Variants in ARHGAP42 observed in about 807,000 individuals in gnomAD.
ARHGAP42 encodes Rho GTPase activating protein 42, also known as rho GTPase-activating protein 42.
A neutral mutation model predicts 125.0 loss-of-function variants in ARHGAP42; 63 were observed. The observed-to-expected ratio is 0.50, with a 90% CI of 0.41 to 0.62. The LOEUF (loss-of-function observed/expected upper bound fraction) is 0.62, where lower values mean the gene tolerates loss of function less well. Ranked by LOEUF, ARHGAP42 falls within the 20% of genes least tolerant of loss-of-function variation. The pLI, the probability that ARHGAP42 is intolerant of heterozygous loss-of-function variation, is 0.00. For missense variants in ARHGAP42, 766 were observed against 1,024.2 expected (o/e 0.75, Z 3.44); for synonymous variants, 339 against 351.0 (o/e 0.97, Z 0.38).
In ARHGAP42 at chr11:100,927,656, C is replaced by G. The variant is rs191997286; in HGVS notation, c.598-5500C>G. ...CAGTACTTTCTCTATTACAATTGAGCTGTAAAGATAAGCTGGCTATTGTCA... is the reference window on the plus strand; with the variant it reads ...CAGTACTTTCTCTATTACAATTGAGGTGTAAAGATAAGCTGGCTATTGTCA... On this transcript the variant is annotated intron_variant, in intron 6 of 23. Transcript: ENST00000298815. Among the ~76,000 whole-genome samples the G allele has an allele frequency of 1.3e-3, 202 of 152,266 alleles. 1 individual carries two copies. Among genetic ancestry groups the G allele is most frequent in the South Asian group, 1.0e-3 (5 of 4,828 alleles).
At chr11:100,793,606 T>C (rs1390529603) in intron 2 of ARHGAP42, among the ~76,000 whole-genome samples, 1 of 152,242 alleles carries the variant, frequency 6.6e-6, no homozygotes, top group Non-Finnish European at 1.5e-5. Context: ...AATTCTTAAA[T>C]GGAAAATATT....
chr11:100,694,826 C>G (rs539046686), intron 1 of ARHGAP42, among the ~76,000 whole-genome samples: 4 of 152,214 alleles, frequency 2.6e-5, no homozygotes, highest in East Asian at 3.9e-4. Flanking sequence ...GTCAGGAATT[C>G]GAGACCAGCC....
intron 5 of ARHGAP42, among the ~76,000 whole-genome samples, chr11:100,919,080 G>C (rs911697408): frequency 4.6e-5 from 7 of 152,178 alleles, no homozygotes; most frequent in Admixed American, 3.9e-4. Flanking sequence ...GGGAAACCAG[G>C]TGCAACCTTC....
At chr11:100,735,485 A>G (rs933478129) in intron 1 of ARHGAP42, among the ~76,000 whole-genome samples, 7 of 152,034 alleles carry the variant, frequency 4.6e-5, no homozygotes, top group African/African-American at 1.7e-4. Context: ...ATAGGAAATC[A>G]CTTTAAGTCA....
intron 3 of ARHGAP42, among the ~76,000 whole-genome samples, chr11:100,842,378 A>G (rs1864963768): frequency 6.6e-6 from 1 of 152,098 alleles, no homozygotes; most frequent in African/African-American, 2.4e-5. Flanking sequence ...AGCAGCAACT[A>G]TTTTTTCACC....
chr11:100,974,405 G>A, intron 18 of ARHGAP42, 54 bp from the exon 19 acceptor site: 1 of 1,495,380 alleles, frequency 6.7e-7, no homozygotes, highest in East Asian at 2.5e-5. Context: ...ATTTTATAAT[G>A]AAAGTGGCAA....
At chr11:100,688,907 G>T (rs559982240) in intron 1 of ARHGAP42, among the ~76,000 whole-genome samples, 1 of 152,234 alleles carries the variant, frequency 6.6e-6, no homozygotes, top group African/African-American at 2.4e-5. Flanking sequence ...GGGTGATCTA[G>T]TTACCCCCAG....
chr11:100,903,709 AATATATATATAT>A lies in ARHGAP42; in HGVS notation c.385-9708_385-9697del, dbSNP rs139506492. On this transcript the variant is annotated intron_variant, in intron 4 of 23. Coordinates refer to ENST00000298815, the MANE Select transcript of ARHGAP42 (RefSeq NM_152432.4). ...ATGTATATATATACATGTCCCTCAA[AATATATATATAT>A]ATATATATATATATATATATATATA... Among the ~76,000 whole-genome samples, 436 of 63,492 alleles carry A rather than the reference AATATATATATAT, an allele frequency of 6.9e-3. 11 individuals carry two copies. The highest frequency in any genetic ancestry group is 0.026 in the Middle Eastern group (3 of 114). 41.7% of individuals were successfully genotyped at this position (63,492 alleles called of 152,430 possible).
chr11:100,780,609 C>T (rs1449621803), intron 2 of ARHGAP42, among the ~76,000 whole-genome samples: 1 of 152,214 alleles, frequency 6.6e-6, no homozygotes, highest in African/African-American at 2.4e-5. Context: ...GTAAGAGCGA[C>T]ATTGTTAAAG....
intron 1 of ARHGAP42, among the ~76,000 whole-genome samples, chr11:100,748,402 G>C (rs761579240): frequency 6.6e-6 from 1 of 152,144 alleles, no homozygotes; most frequent in Non-Finnish European, 1.5e-5. Context: ...GGAGTTCCTC[G>C]TAGGTCTGGT....
At chr11:100,806,655 A>C in intron 3 of ARHGAP42, among the ~76,000 whole-genome samples, 1 of 152,048 alleles carries the variant, frequency 6.6e-6, no homozygotes, top group Non-Finnish European at 1.5e-5. Flanking sequence ...TGATTTTCAC[A>C]TTTACTGAAT....
At chr11:100,763,493 A>T (rs1463949254) in intron 1 of ARHGAP42, among the ~76,000 whole-genome samples, 6 of 151,970 alleles carry the variant, frequency 3.9e-5, no homozygotes, top group African/African-American at 1.4e-4. Context: ...TCTTTTTAAA[A>T]ATTTATTTAT....
intron 3 of ARHGAP42, among the ~76,000 whole-genome samples, chr11:100,829,444 T>C (rs614994): frequency 0.036 from 5,455 of 151,922 alleles, 349 homozygotes; most frequent in African/African-American, 0.12. Flanking sequence ...AGTTACAAAC[T>C]GGGTTGGAGA....
chr11:100,762,088 A>C (rs1209762704), intron 1 of ARHGAP42, among the ~76,000 whole-genome samples: 1 of 152,220 alleles, frequency 6.6e-6, no homozygotes, highest in Non-Finnish European at 1.5e-5. Flanking sequence ...TCCGGATCTG[A>C]GCACCTTCAT....
intron 1 of ARHGAP42, among the ~76,000 whole-genome samples, chr11:100,742,964 AT>A (rs1399833153): frequency 6.6e-6 from 1 of 152,030 alleles, no homozygotes; most frequent in Non-Finnish European, 1.5e-5. Flanking sequence ...GAATCCTTAC[AT>A]GTTAGGTGAG....
chr11:100,971,518 A>G (rs1255975288), intron 17 of ARHGAP42, among the ~76,000 whole-genome samples: 1 of 152,180 alleles, frequency 6.6e-6, no homozygotes, highest in Non-Finnish European at 1.5e-5. Flanking sequence ...GGGAGTCTGT[A>G]TCTATTGAGT....
rs969146495 is a variant in ARHGAP42 at position 100,988,831 on chromosome 11, G to A, written c.*30G>A. 2 of 1,450,642 alleles carry A rather than the reference G, an allele frequency of 1.4e-6. No homozygotes were observed. Among genetic ancestry groups the A allele is most frequent in the African/African-American group, 2.8e-5 (2 of 71,252 alleles). 89.9% of individuals were successfully genotyped at this position (1,450,642 alleles called of 1,614,324 possible). On this transcript the variant is annotated 3_prime_UTR_variant, in exon 24 of 24. Coordinates refer to ENST00000298815, the MANE Select transcript of ARHGAP42 (RefSeq NM_152432.4). ...ATTTAGTGGATGGCAGTATCTTCAT[G>A]GTATCCATGGTAACGAATAAATGCT...
At chr11:100,713,560 A>T (rs1434341699) in intron 1 of ARHGAP42, among the ~76,000 whole-genome samples, 1 of 152,224 alleles carries the variant, frequency 6.6e-6, no homozygotes, top group Non-Finnish European at 1.5e-5. Context: ...TCAGCTAATT[A>T]TTAGTCACCT....
chr11:100,799,446 A>G (rs1410449385), intron 3 of ARHGAP42, among the ~76,000 whole-genome samples: 1 of 152,214 alleles, frequency 6.6e-6, no homozygotes. Flanking sequence ...ATGCTGTTTT[A>G]CGTGCTTTAT....
Sources: allele counts gnomAD v4.1 joint callset (sites outside exome capture counted in the v4.1 genomes callset), GRCh38; gene constraint gnomAD v4.1.1; transcripts MANE v1.5; gene names NCBI Gene and HGNC (gene_info 2026-07-23, HGNC 2026-07-21).